ZNF366: variants seen among roughly 807,000 people sequenced by gnomAD.
ZNF366 encodes zinc finger protein 366, also known as dendritic cell-specific transcript protein.
Under a neutral mutation model 47.2 loss-of-function variants are expected in ZNF366, and 20 were observed. The observed-to-expected ratio is 0.42, with a 90% CI of 0.30 to 0.62. ZNF366 has a LOEUF of 0.62. Among genes scored for constraint, ZNF366 ranks in the 20% least tolerant of loss-of-function variants. The pLI is 0.16. For missense variants in ZNF366, 987 were observed against 976.3 expected, an observed-to-expected ratio of 1.01 and a Z score of -0.15; for synonymous variants, 421 against 395.1, an observed-to-expected ratio of 1.07 and a Z score of -0.78.
rs559701183 is a variant in ZNF366, at chr5:72,440,348, A to G, written c.*3408T>C. On this transcript the variant is annotated 3_prime_UTR_variant, in exon 5 of 5. Coordinates refer to ENST00000318442, the MANE Select transcript of ZNF366 (RefSeq NM_152625.3). ...TTTAAAAAGAGAGACAGAAAGAGGA[A>G]TTGAAAGGTAACATGAGGAGTAATC... 6.6e-6 allele frequency: 1 copy of G among 152,320 alleles called. No individual in the cohort carries two copies. The highest frequency in any genetic ancestry group is 2.1e-4 in the South Asian group (1 of 4,830). The allele number at this position is 152,320 out of a possible 1,614,324, so 9.4% of individuals were successfully genotyped here. A position where few individuals can be genotyped will look rare whatever the true frequency, so the allele number is the denominator to read the frequency against.
intron 1 of ZNF366, among the ~76,000 whole-genome samples, chr5:72,469,785 C>T (rs1433996030): frequency 3.3e-5 from 5 of 152,182 alleles, no homozygotes; most frequent in African/African-American, 1.2e-4. Flanking sequence ...GTGGCTCACG[C>T]CTGTAATCCC....
chr5:72,461,371 G>A lies in ZNF366; in HGVS notation c.126C>T (p.His42=). The A allele has an allele frequency of 6.2e-7, 1 of 1,614,034 alleles. No individual in the cohort carries two copies. Among genetic ancestry groups the A allele is most frequent in the South Asian group, 1.1e-5 (1 of 91,072 alleles). The part of the protein sequence containing the change: ...VASRGKAPQR[H]PFPEALRGPF... ...GCCCTCGGAGAGCTTCCGGGAAGGG[G>A]TGTCTTTGGGGAGCCTTTCCCCGAG... The change falls in exon 2 of 5, where the codon CAC becomes CAT. Residue 42 remains histidine, a synonymous_variant. Coordinates refer to ENST00000318442, the MANE Select transcript of ZNF366 (RefSeq NM_152625.3).
chr5:72,492,544 T>G (rs552415731), intron 1 of ZNF366, among the ~76,000 whole-genome samples: 36 of 152,350 alleles, frequency 2.4e-4, no homozygotes, highest in Non-Finnish European at 3.8e-4. Flanking sequence ...ACAGCTCATC[T>G]TTTAAAGTCA....
At chr5:72,501,145 C>A (rs369357167) in intron 1 of ZNF366, among the ~76,000 whole-genome samples, 1 of 152,044 alleles carries the variant, frequency 6.6e-6, no homozygotes, top group African/African-American at 2.4e-5. Flanking sequence ...CTGAGGAGGC[C>A]CCAAACCTAG....
chr5:72,480,848 A>T (rs1038399096), intron 1 of ZNF366, among the ~76,000 whole-genome samples: 2 of 152,248 alleles, frequency 1.3e-5, no homozygotes, highest in Non-Finnish European at 2.9e-5. Flanking sequence ...GTAAATAGCT[A>T]TTCTGTAGAA....
intron 1 of ZNF366, among the ~76,000 whole-genome samples, chr5:72,482,488 T>C (rs573034367): frequency 1.3e-5 from 2 of 152,274 alleles, no homozygotes; most frequent in South Asian, 4.1e-4. Context: ...GTAGCATAAG[T>C]GAGTTCTTTC....
intron 1 of ZNF366, among the ~76,000 whole-genome samples, chr5:72,481,154 A>T (rs983738857): frequency 6.6e-6 from 1 of 152,208 alleles, no homozygotes; most frequent in Non-Finnish European, 1.5e-5. Context: ...GAACAGAAGA[A>T]AGTCCTGAAA....
At chr5:72,464,068 C>T (rs1051449257) in intron 1 of ZNF366, among the ~76,000 whole-genome samples, 3 of 152,144 alleles carry the variant, frequency 2.0e-5, no homozygotes, top group Non-Finnish European at 2.9e-5. Flanking sequence ...CAGAGCCCAT[C>T]GAGAAGCAAA....
chr5:72,492,563 G>A (rs977995109), intron 1 of ZNF366, among the ~76,000 whole-genome samples: 1 of 152,136 alleles, frequency 6.6e-6, no homozygotes, highest in Non-Finnish European at 1.5e-5. Flanking sequence ...CAAGCAATAG[G>A]TTCTTTTCTC....
intron 1 of ZNF366, among the ~76,000 whole-genome samples, chr5:72,471,537 G>C (rs1170040068): frequency 1.3e-5 from 2 of 152,134 alleles, no homozygotes. Context: ...AGGAAGGTTT[G>C]GGAGTGAAGC....
rs749935918 is a variant in ZNF366 at position 72,460,999 on chromosome 5, G to A, written c.498C>T (p.Pro166=). The change falls in exon 2 of 5, where the codon CCC becomes CCT. Residue 166 remains proline (P), a synonymous_variant. Coordinates refer to ENST00000318442, the MANE Select transcript of ZNF366 (RefSeq NM_152625.3). The part of the protein sequence containing the change: ...KPSAVWPQPT[P]TPFLPTPYPY... Reference sequence around the variant, plus strand: ...GGTAGGGCGTGGGCAGGAATGGAGTGGGCGTTGGCTGGGGCCACACGGCGC... The same window carrying A: ...GGTAGGGCGTGGGCAGGAATGGAGTAGGCGTTGGCTGGGGCCACACGGCGC... 16 of 1,613,974 alleles carry A rather than the reference G, an allele frequency of 9.9e-6. No individual in the cohort carries two copies. Among genetic ancestry groups the A allele is most frequent in the Non-Finnish European group, 1.4e-5 (16 of 1,180,036 alleles).
intron 1 of ZNF366, among the ~76,000 whole-genome samples, chr5:72,505,722 TG>T (rs1015493355): frequency 1.3e-5 from 2 of 152,256 alleles, no homozygotes; most frequent in African/African-American, 4.8e-5. Context: ...CGTTTTCTTC[TG>T]GGGCCACAGT....
At chr5:72,490,151 G>A (rs1036307003) in intron 1 of ZNF366, among the ~76,000 whole-genome samples, 3 of 152,216 alleles carry the variant, frequency 2.0e-5, no homozygotes, top group Non-Finnish European at 4.4e-5. Flanking sequence ...TCAAGGGTCA[G>A]AGAAGGGAAG....
chr5:72,447,232 A>G lies in ZNF366; in HGVS notation c.1699+11T>C. ...GGACTGACTTGCAGGGCTTCCCAGA[A>G]GAGTGATTACCTTGGGAATGAAGGC... On this transcript the variant is annotated intron_variant, in intron 4 of 4. Transcript: ENST00000318442. 1 of 1,613,870 alleles carries G rather than the reference A, an allele frequency of 6.2e-7. No homozygotes were observed. The highest frequency in any genetic ancestry group is 8.5e-7 in the Non-Finnish European group (1 of 1,179,832).
intron 1 of ZNF366, among the ~76,000 whole-genome samples, chr5:72,491,502 G>A (rs6888075): frequency 0.018 from 2,729 of 152,236 alleles, 50 homozygotes; most frequent in South Asian, 0.051. Context: ...AGGCACCCCC[G>A]GGTTTGAATT....
Position 72,451,339 on chromosome 5 carries a change from A to G in ZNF366, c.1525-3922T>C, listed in dbSNP as rs73763722. ...ATGGAGGTAGACTTCAAAATTTAAT[A>G]AAAAATGGAAAAAAATATTTTAAAG... On this transcript the variant is annotated intron_variant, in intron 3 of 4. Transcript: ENST00000318442. Among the ~76,000 whole-genome samples, 948 of 152,360 alleles carry G rather than the reference A, an allele frequency of 6.2e-3. 8 individuals carry two copies. The highest frequency in any genetic ancestry group is 0.021 in the African/African-American group (890 of 41,584).
At position 72,456,607 on chromosome 5, in the gene ZNF366, C is replaced by T; in HGVS notation, c.1333-12G>A. 2 of 1,565,944 alleles carry T rather than the reference C, an allele frequency of 1.3e-6. No individual in the cohort carries two copies. The highest frequency in any genetic ancestry group is 1.7e-6 in the Non-Finnish European group (2 of 1,144,936). ...TGCTCCTTCACACCCTGCAGGGAGG[C>T]AAGATTCAGAAAAGTGGTGATTGAC... On this transcript the variant is annotated splice_polypyrimidine_tract_variant and intron_variant, in intron 2 of 4. Coordinates refer to ENST00000318442, the MANE Select transcript of ZNF366 (RefSeq NM_152625.3).
At chr5:72,479,033 G>A (rs1263907763) in intron 1 of ZNF366, among the ~76,000 whole-genome samples, 1 of 152,080 alleles carries the variant, frequency 6.6e-6, no homozygotes, top group Non-Finnish European at 1.5e-5. Context: ...AGTTTCAAAT[G>A]GGCTCTTCCT....
intron 1 of ZNF366, among the ~76,000 whole-genome samples, chr5:72,501,309 T>C (rs948482093): frequency 6.6e-5 from 10 of 152,202 alleles, no homozygotes; most frequent in Non-Finnish European, 1.5e-4. Context: ...GTATTCTCTT[T>C]GTGTGCCCTG....
Sources: gnomAD v4.1 joint callset for allele counts (sites outside exome capture counted in the v4.1 genomes callset) on GRCh38, gnomAD v4.1.1 for gene constraint, MANE v1.5 for transcripts, NCBI Gene and HGNC (gene_info 2026-07-23, HGNC 2026-07-21) for gene names.